Variants in IQCB1 observed in about 807,000 individuals in gnomAD.
IQCB1 encodes the protein IQ calmodulin-binding motif-containing protein 1.
IQCB1 carries 56 observed loss-of-function variants against 84.4 expected under a neutral mutation model. The observed-to-expected ratio is 0.66, with a 90% CI of 0.54 to 0.83. The LOEUF (loss-of-function observed/expected upper bound fraction) is 0.83, where lower values mean the gene tolerates loss of function less well. Ranked by LOEUF, IQCB1 falls within the 40% of genes least tolerant of loss-of-function variation. The pLI is 0.00. For missense variants in IQCB1, 629 were observed against 682.1 expected, an observed-to-expected ratio of 0.92 and a Z score of 0.87; for synonymous variants, 210 against 234.8, an observed-to-expected ratio of 0.89 and a Z score of 0.96.
At position 121,770,413 on chromosome 3, in the gene IQCB1, C is replaced by A. The variant is rs1268203179; in HGVS notation, c.1729G>T (p.Asp577Tyr). ...KLGEESGDEI[D>Y]VPKDELSIEL... ...ATACTAAGCTCATCCTTTGGAACAT[C>A]AATCTCATCTCCAGATTCTTCTCCA... The change falls in exon 15 of 15, where the codon GAT (aspartate) becomes TAT (tyrosine). Residue 577 changes from aspartate to tyrosine, a missense_variant. Transcript: ENST00000310864. The A allele has an allele frequency of 6.2e-7, 1 of 1,614,230 alleles. No individual in the cohort carries two copies. The highest frequency in any genetic ancestry group is 1.1e-5 in the South Asian group (1 of 91,084).
intron 13 of IQCB1, among the ~76,000 whole-genome samples, chr3:121,778,954 T>C (rs550860087): frequency 2.8e-4 from 43 of 151,998 alleles, no homozygotes; most frequent in African/African-American, 9.2e-4. Context: ...CTGAGCAATG[T>C]AATCTTTGTC....
intron 5 of IQCB1, among the ~76,000 whole-genome samples, chr3:121,819,203 G>A (rs148123940): frequency 0.015 from 2,323 of 152,260 alleles, 48 homozygotes; most frequent in Non-Finnish European, 0.017. Context: ...AGCCCTGAGC[G>A]TGTTTTCCTG....
At chr3:121,823,303 A>G (rs976375331) in intron 5 of IQCB1, among the ~76,000 whole-genome samples, 2 of 152,152 alleles carry the variant, frequency 1.3e-5, no homozygotes, top group African/African-American at 2.4e-5. Context: ...TTAGCTGAAA[A>G]TTTTCTTAAT....
chr3:121,825,898 T>TA (rs1438552428), intron 5 of IQCB1, among the ~76,000 whole-genome samples, 153 bp downstream of exon 5: 3 of 152,232 alleles, frequency 2.0e-5, no homozygotes, highest in Non-Finnish European at 4.4e-5. Flanking sequence ...TTTTCAAACA[T>TA]AGAGATGATT....
chr3:121,824,464 G>C (rs1950390035), intron 5 of IQCB1, among the ~76,000 whole-genome samples: 1 of 152,076 alleles, frequency 6.6e-6, no homozygotes, highest in South Asian at 2.1e-4. Flanking sequence ...ACCATGAAAG[G>C]TGAAACTGCA....
intron 12 of IQCB1, among the ~76,000 whole-genome samples, chr3:121,786,170 C>CAAGAAAAAAAGAAAAGAAAAGAAAAG: frequency 9.9e-4 from 72 of 72,870 alleles, no homozygotes; most frequent in Middle Eastern, 0.011. Flanking sequence ...GATTCTGTCT[C>CAAGAAAAAAAGAAAAGAAAAGAAAAG]AAAAGAAAAG....
At chr3:121,781,082 GAAAGT>G (rs1413652905) in intron 13 of IQCB1, among the ~76,000 whole-genome samples, 3 of 152,222 alleles carry the variant, frequency 2.0e-5, no homozygotes, top group African/African-American at 7.2e-5. Flanking sequence ...TAAGAGAAAA[GAAAGT>G]AGAGGTAATC....
chr3:121,823,505 G>T (rs1024696906), intron 5 of IQCB1, among the ~76,000 whole-genome samples: 1 of 151,970 alleles, frequency 6.6e-6, no homozygotes, highest in Non-Finnish European at 1.5e-5. Flanking sequence ...AAGAATGAAG[G>T]CTGAATTTAC....
chr3:121,791,255 C>G (rs921070361), intron 10 of IQCB1, among the ~76,000 whole-genome samples: 3 of 151,918 alleles, frequency 2.0e-5, no homozygotes, highest in African/African-American at 4.8e-5. Context: ...AATGTGGTAC[C>G]TTGGCTATAG....
rs549731597 is a variant in IQCB1, at chr3:121,790,230, G to C, written c.987-15C>G. On this transcript the variant is annotated splice_polypyrimidine_tract_variant and intron_variant, in intron 10 of 14. Coordinates refer to ENST00000310864, the MANE Select transcript of IQCB1 (RefSeq NM_001023570.4). Reference sequence around the variant, plus strand: ...ATCGTTTGGATCTGTGATGGAAACAGTGTGTTATACATAATTTTCATAAAT... The same window carrying C: ...ATCGTTTGGATCTGTGATGGAAACACTGTGTTATACATAATTTTCATAAAT... 218 of 1,611,540 alleles carry C rather than the reference G, an allele frequency of 1.4e-4. 1 individual carries two copies. The South Asian group carries it at 1.7e-3, about 13-fold the overall frequency.
At chr3:121,796,806 T>C (rs1949210338) in intron 9 of IQCB1, among the ~76,000 whole-genome samples, 1 of 152,078 alleles carries the variant, frequency 6.6e-6, no homozygotes, top group South Asian at 2.1e-4. Flanking sequence ...ATTGAAATTA[T>C]GTTTTCCAGC....
intron 2 of IQCB1, among the ~76,000 whole-genome samples, chr3:121,831,333 C>T (rs528226524): frequency 4.2e-5 from 6 of 143,086 alleles, no homozygotes; most frequent in Admixed American, 6.8e-5. Flanking sequence ...CCATGACGCT[C>T]GGCTAATTTT....
chr3:121,824,992 G>C (rs576519976), intron 5 of IQCB1, among the ~76,000 whole-genome samples: 1 of 151,946 alleles, frequency 6.6e-6, no homozygotes, highest in African/African-American at 2.4e-5. Context: ...CAAAACCTTT[G>C]CATGGTTCTG....
chr3:121,802,052 C>G (rs575224651), intron 7 of IQCB1, among the ~76,000 whole-genome samples: 1 of 151,954 alleles, frequency 6.6e-6, no homozygotes, highest in African/African-American at 2.4e-5. Flanking sequence ...TTGTTCAGAA[C>G]ATTTCTATCT....
chr3:121,797,318 C>T (rs1252215044), intron 8 of IQCB1, 91 bp from the exon 9 acceptor site: 3 of 615,332 alleles, frequency 4.9e-6, no homozygotes, highest in Non-Finnish European at 8.3e-6. Flanking sequence ...GCTAAAAAGT[C>T]TGGCTTAAAA....
chr3:121,824,635 T>C (rs1196184009), intron 5 of IQCB1, among the ~76,000 whole-genome samples: 1 of 149,672 alleles, frequency 6.7e-6, no homozygotes, highest in East Asian at 1.9e-4. Flanking sequence ...AAAAGACCAG[T>C]TCATAATGAT....
intron 8 of IQCB1, among the ~76,000 whole-genome samples, chr3:121,797,566 A>G (rs984132110): frequency 2.0e-5 from 3 of 152,050 alleles, no homozygotes; most frequent in Non-Finnish European, 4.4e-5. Flanking sequence ...TATTTGAACA[A>G]AAATACTTAA....
chr3:121,780,881 T>A (rs62268807), intron 13 of IQCB1, among the ~76,000 whole-genome samples: 41,655 of 145,230 alleles, frequency 0.29, 6,217 homozygotes, highest in Admixed American at 0.44. Context: ...TGTGTGTGTG[T>A]GTGAGAGAGA....
chr3:121,831,395 A>T (rs139608360), intron 2 of IQCB1, among the ~76,000 whole-genome samples: 2 of 152,014 alleles, frequency 1.3e-5, no homozygotes, highest in African/African-American at 4.8e-5. Context: ...GGTCTCTGTA[A>T]TATCTTTATA....
Sources: allele counts gnomAD v4.1 joint callset (sites outside exome capture counted in the v4.1 genomes callset), GRCh38; gene constraint gnomAD v4.1.1; transcripts MANE v1.5; gene names NCBI Gene and HGNC (gene_info 2026-07-23, HGNC 2026-07-21).